FOXN3: variants seen among roughly 807,000 people sequenced by gnomAD.
The protein encoded by FOXN3 is forkhead box protein N3.
FOXN3 carries 7 observed loss-of-function variants against 38.4 expected under a neutral mutation model. The observed-to-expected ratio is 0.18, with a 90% CI of 0.10 to 0.34. The LOEUF (loss-of-function observed/expected upper bound fraction) is 0.34. Ranked by LOEUF, FOXN3 falls within the 10% of genes least tolerant of loss-of-function variation. The pLI is 1.00. For synonymous variants in FOXN3, 230 were observed against 242.2 expected (o/e 0.95, Z 0.47); for missense variants, 456 against 613.4 (o/e 0.74, Z 2.71).
At chr14:89,611,675 G>A (rs1050265164) in intron 1 of FOXN3, among the ~76,000 whole-genome samples, 3 of 152,062 alleles carry the variant, frequency 2.0e-5, no homozygotes, top group Non-Finnish European at 2.9e-5. Flanking sequence ...GCATGGCAGC[G>A]GGTGCCTGTA....
At chr14:89,519,104 G>T (rs1248818945) in intron 1 of FOXN3, among the ~76,000 whole-genome samples, 1 of 152,150 alleles carries the variant, frequency 6.6e-6, no homozygotes, top group East Asian at 1.9e-4. Flanking sequence ...GGGAAACCAG[G>T]CCAGGCTGGA....
chr14:89,188,251 T>C (rs1887859628), intron 4 of FOXN3, among the ~76,000 whole-genome samples: 1 of 152,208 alleles, frequency 6.6e-6, no homozygotes, highest in Non-Finnish European at 1.5e-5. Flanking sequence ...AAGAAGTATT[T>C]ACAGTCTGAG....
At chr14:89,195,021 G>C (rs1330879738) in intron 4 of FOXN3, among the ~76,000 whole-genome samples, 1 of 152,116 alleles carries the variant, frequency 6.6e-6, no homozygotes, top group African/African-American at 2.4e-5. Context: ...TCTACGGTGA[G>C]AATTTTGTGC....
chr14:89,600,026 C>T (rs186496862), intron 1 of FOXN3, among the ~76,000 whole-genome samples: 9 of 152,346 alleles, frequency 5.9e-5, no homozygotes, highest in Admixed American at 1.3e-4. Context: ...CCCCACCAAC[C>T]CAGATCTTGG....
intron 2 of FOXN3, among the ~76,000 whole-genome samples, chr14:89,384,254 T>C (rs8015431): frequency 1 from 151,751 of 152,332 alleles, 75,591 homozygotes; most frequent in East Asian, 1. Flanking sequence ...GCGTGGCATG[T>C]GGGAGAGGAG....
chr14:89,236,908 C>T, intron 4 of FOXN3, among the ~76,000 whole-genome samples: 1 of 152,350 alleles, frequency 6.6e-6, no homozygotes, highest in East Asian at 1.9e-4. Flanking sequence ...TACCCCACCA[C>T]TTATCAGCTC....
chr14:89,611,695 G>A (rs1030958417), intron 1 of FOXN3, among the ~76,000 whole-genome samples: 11 of 151,944 alleles, frequency 7.2e-5, no homozygotes, highest in South Asian at 4.2e-4. Context: ...AGTCCCAGCT[G>A]CTGGGGAGGC....
At chr14:89,382,795 G>A (rs1890686108) in intron 2 of FOXN3, among the ~76,000 whole-genome samples, 2 of 152,208 alleles carry the variant, frequency 1.3e-5, no homozygotes, top group South Asian at 4.1e-4. Context: ...AGGGGATGGT[G>A]TTTGAGGCAC....
intron 4 of FOXN3, among the ~76,000 whole-genome samples, chr14:89,213,044 G>C (rs1470127621): frequency 6.6e-6 from 1 of 152,200 alleles, no homozygotes; most frequent in African/African-American, 2.4e-5. Context: ...TCTGGACATA[G>C]AGATACCATC....
intron 4 of FOXN3, among the ~76,000 whole-genome samples, chr14:89,200,747 G>T (rs748182664): frequency 4.6e-5 from 7 of 152,256 alleles, no homozygotes; most frequent in Middle Eastern, 3.4e-3. Flanking sequence ...GCAAGTGAAC[G>T]CATCACCTCC....
chr14:89,238,517 T>C (rs921035265), intron 4 of FOXN3, among the ~76,000 whole-genome samples: 2 of 152,204 alleles, frequency 1.3e-5, no homozygotes, highest in Non-Finnish European at 2.9e-5. Context: ...GTGCTGGTAA[T>C]GGAGGAGTGT....
At chr14:89,438,472 C>T (rs755585001) in intron 1 of FOXN3, among the ~76,000 whole-genome samples, 15 of 152,194 alleles carry the variant, frequency 9.9e-5, no homozygotes, top group Non-Finnish European at 2.1e-4. Flanking sequence ...AAGAACAAAT[C>T]CCAACCATTC....
chr14:89,414,188 G>A (rs1891629410), intron 1 of FOXN3, among the ~76,000 whole-genome samples: 1 of 151,934 alleles, frequency 6.6e-6, no homozygotes, highest in African/African-American at 2.4e-5. Flanking sequence ...GTGGTGGTGT[G>A]TGCCTGTAGT....
intron 3 of FOXN3, among the ~76,000 whole-genome samples, chr14:89,338,687 G>A (rs925765285): frequency 2.4e-4 from 37 of 152,068 alleles, no homozygotes; most frequent in African/African-American, 6.3e-4. Context: ...CCAGCTACTC[G>A]GAGGCTGAGG....
At chr14:89,309,450 A>G (rs372746721) in intron 3 of FOXN3, among the ~76,000 whole-genome samples, 1 of 152,336 alleles carries the variant, frequency 6.6e-6, no homozygotes, top group East Asian at 1.9e-4. Flanking sequence ...ATTAGAATTA[A>G]AAATTTATAA....
intron 3 of FOXN3, among the ~76,000 whole-genome samples, chr14:89,301,442 C>T (rs960479373): frequency 6.6e-6 from 1 of 151,942 alleles, no homozygotes; most frequent in Non-Finnish European, 1.5e-5. Context: ...TGCCACTGCG[C>T]TCCAGACTGC....
At chr14:89,214,676 T>C (rs17716878) in intron 4 of FOXN3, among the ~76,000 whole-genome samples, 26,279 of 152,260 alleles carry the variant, frequency 0.17, 2,424 homozygotes, top group Non-Finnish European at 0.21. Context: ...TTCCTTTCAC[T>C]GGCATCGACC....
chr14:89,170,661 C>G (rs1276252355), intron 5 of FOXN3, among the ~76,000 whole-genome samples: 1 of 152,200 alleles, frequency 6.6e-6, no homozygotes, highest in East Asian at 1.9e-4. Flanking sequence ...CAGATAAATT[C>G]TCTGACCACA....
intron 1 of FOXN3, among the ~76,000 whole-genome samples, chr14:89,468,047 T>C (rs566619765): frequency 1.3e-5 from 2 of 151,944 alleles, no homozygotes; most frequent in Admixed American, 6.6e-5. Flanking sequence ...TGCATGCACA[T>C]ATATACATGC....
Sources: gnomAD v4.1 joint callset for allele counts (sites outside exome capture counted in the v4.1 genomes callset) on GRCh38, gnomAD v4.1.1 for gene constraint, MANE v1.5 for transcripts, NCBI Gene and HGNC (gene_info 2026-07-23, HGNC 2026-07-21) for gene names.